TENM3: variants seen among roughly 807,000 people sequenced by gnomAD.
TENM3 encodes teneurin transmembrane protein 3, also known as teneurin-3.
TENM3 carries 63 observed loss-of-function variants against 255.1 expected under a neutral mutation model. The ratio of observed to expected loss-of-function variants is 0.25; its 90% confidence interval spans 0.20 to 0.30. The LOEUF (loss-of-function observed/expected upper bound fraction) is 0.30, where lower values mean the gene tolerates loss of function less well. TENM3 is among the 10% of genes least tolerant of loss of function. The pLI, the probability that TENM3 is intolerant of heterozygous loss-of-function variation, is 1.00. For missense variants in TENM3, 2,929 were observed against 3,461.1 expected, an observed-to-expected ratio of 0.85 and a Z score of 3.86; for synonymous variants, 1,306 against 1,322.3, an observed-to-expected ratio of 0.99 and a Z score of 0.27.
chr4:182,095,626 A>G, the TENM3 span, among the ~76,000 whole-genome samples: 3 of 152,184 alleles, frequency 2.0e-5, no homozygotes, highest in Non-Finnish European at 4.4e-5. Flanking sequence ...CCTGGTGTTC[A>G]GTTAGAAGGA....
At chr4:181,898,482 T>C in the TENM3 span, among the ~76,000 whole-genome samples, 1 of 152,146 alleles carries the variant, frequency 6.6e-6, no homozygotes. Context: ...GTGAAGGTGG[T>C]CTAAGACCCA....
chr4:181,990,102 C>T, the TENM3 span, among the ~76,000 whole-genome samples: 4 of 152,134 alleles, frequency 2.6e-5, no homozygotes, highest in East Asian at 7.7e-4. Flanking sequence ...TAACCAGCTA[C>T]GAAAAGGAAG....
upstream of TENM3, among the ~76,000 whole-genome samples, chr4:182,242,984 C>T (rs546440467): frequency 1.1e-4 from 16 of 152,152 alleles, no homozygotes; most frequent in South Asian, 2.7e-3. Flanking sequence ...CATAATTGGG[C>T]GGTGATGTCA....
chr4:182,630,624 T>A (rs1444754980), intron 5 of TENM3, among the ~76,000 whole-genome samples: 1 of 152,098 alleles, frequency 6.6e-6, no homozygotes, highest in Non-Finnish European at 1.5e-5. Context: ...GGTGATGAGT[T>A]GACAGGTGCA....
At chr4:181,501,013 C>T in the TENM3 span, among the ~76,000 whole-genome samples, 7 of 152,300 alleles carry the variant, frequency 4.6e-5, no homozygotes, top group South Asian at 2.1e-4. Flanking sequence ...GGGGCCCAGC[C>T]GCTAATGACC....
intron 1 of TENM3, among the ~76,000 whole-genome samples, chr4:182,189,919 A>G (rs1346305928): frequency 1.3e-5 from 2 of 152,130 alleles, no homozygotes; most frequent in African/African-American, 4.8e-5. Context: ...TGAAAATACA[A>G]TTTTGTGGAT....
chr4:182,331,729 G>T (rs1460418183), intron 2 of TENM3, among the ~76,000 whole-genome samples: 1 of 152,072 alleles, frequency 6.6e-6, no homozygotes, highest in African/African-American at 2.4e-5. Flanking sequence ...CAGGAAAGAT[G>T]GAATTTATGA....
intron 4 of TENM3, among the ~76,000 whole-genome samples, chr4:182,604,527 C>G (rs767160632): frequency 4.6e-5 from 7 of 152,158 alleles, no homozygotes; most frequent in Non-Finnish European, 8.8e-5. Flanking sequence ...TACAAGAATA[C>G]AGAGCAGCTG....
chr4:181,923,864 G>A, the TENM3 span, among the ~76,000 whole-genome samples: 1 of 152,046 alleles, frequency 6.6e-6, no homozygotes, highest in African/African-American at 2.4e-5. Context: ...ACAGAATTTT[G>A]AACTTAAAAT....
chr4:182,578,371 A>T (rs1163047546), intron 3 of TENM3, among the ~76,000 whole-genome samples: 1 of 152,092 alleles, frequency 6.6e-6, no homozygotes, highest in Non-Finnish European at 1.5e-5. Flanking sequence ...CTAATTTATT[A>T]TGTTTCCTGC....
the TENM3 span, among the ~76,000 whole-genome samples, chr4:182,021,919 G>A: frequency 2.4e-3 from 370 of 152,244 alleles, 1 homozygote; most frequent in African/African-American, 8.4e-3. Flanking sequence ...GCAGAGAATA[G>A]GAATCCTTAT....
intron 6 of TENM3, among the ~76,000 whole-genome samples, chr4:182,662,303 CAGTT>C (rs748968110): frequency 1.4e-3 from 215 of 152,198 alleles, no homozygotes; most frequent in Non-Finnish European, 2.0e-3. Context: ...AAAAAAATCA[CAGTT>C]AGTAGGTGAA....
intron 3 of TENM3, among the ~76,000 whole-genome samples, chr4:182,570,248 C>T (rs755069816): frequency 9.2e-5 from 14 of 152,004 alleles, no homozygotes; most frequent in Non-Finnish European, 1.9e-4. Flanking sequence ...GGTGATGGAG[C>T]AGGACAAATC....
At chr4:182,379,444 C>T (rs1234581577) in intron 3 of TENM3, among the ~76,000 whole-genome samples, 1 of 152,114 alleles carries the variant, frequency 6.6e-6, no homozygotes, top group Admixed American at 6.5e-5. Context: ...AGTGAGCAGT[C>T]CAAGTCCCCA....
In TENM3 at chr4:182,775,158, G is replaced by C; in HGVS notation, c.5304+5G>C. 6.2e-7 allele frequency: 1 copy of C among 1,613,316 alleles called. No individual in the cohort carries two copies. Among genetic ancestry groups the C allele is most frequent in the South Asian group, 1.1e-5 (1 of 91,060 alleles). On this transcript the variant is annotated splice_donor_5th_base_variant and intron_variant, in intron 24 of 27. Transcript: ENST00000511685. ...GTCTTTGGCCGCAAGCTCAGGGTAC[G>C]TACGTGTTGTGGAGCAGGAGATAGC...
At chr4:181,776,476 A>AT in the TENM3 span, among the ~76,000 whole-genome samples, 10 of 151,930 alleles carry the variant, frequency 6.6e-5, no homozygotes, top group Non-Finnish European at 1.0e-4. Context: ...CTATTTTTGG[A>AT]TTTTTGAGAA....
At chr4:182,678,050 A>G (rs182540263) in intron 7 of TENM3, among the ~76,000 whole-genome samples, 33 of 152,204 alleles carry the variant, frequency 2.2e-4, no homozygotes, top group Admixed American at 2.2e-3. Context: ...AATTATTTAT[A>G]TATAGTACTA....
intron 1 of TENM3, among the ~76,000 whole-genome samples, chr4:182,249,673 T>C (rs1325281979): frequency 3.9e-5 from 6 of 152,222 alleles, no homozygotes; most frequent in Admixed American, 3.3e-4. Flanking sequence ...TGGGGACCTC[T>C]GAGGATGGGT....
At chr4:181,912,392 G>A in the TENM3 span, among the ~76,000 whole-genome samples, 1 of 152,196 alleles carries the variant, frequency 6.6e-6, no homozygotes, top group East Asian at 1.9e-4. Context: ...TGTGATATGA[G>A]TCAATAAAAT....
Sources: gnomAD v4.1 joint callset for allele counts (sites outside exome capture counted in the v4.1 genomes callset) on GRCh38, gnomAD v4.1.1 for gene constraint, MANE v1.5 for transcripts, NCBI Gene and HGNC (gene_info 2026-07-23, HGNC 2026-07-21) for gene names.